Variants in CFAP157 observed in about 807,000 individuals in gnomAD.
CFAP157 encodes cilia and flagella associated protein 157.
Under a neutral mutation model 57.8 loss-of-function variants are expected in CFAP157, and 43 were observed. That is an observed-to-expected ratio of 0.74 (90% CI 0.58 to 0.96). The LOEUF (loss-of-function observed/expected upper bound fraction) is 0.96, where lower values mean the gene tolerates loss of function less well. Ranked by LOEUF, CFAP157 falls within the 40% of genes least tolerant of loss-of-function variation. CFAP157 has a pLI of 0.00. For missense variants in CFAP157, 606 were observed against 655.3 expected, an observed-to-expected ratio of 0.92 and a Z score of 0.82; for synonymous variants, 267 against 269.0, an observed-to-expected ratio of 0.99 and a Z score of 0.07.
Position 127,707,085 on chromosome 9 carries a change from G to T in CFAP157, c.54G>T (p.Lys18Asn). The T allele has an allele frequency of 6.2e-7, 1 of 1,613,944 alleles. No homozygotes were observed. The highest frequency in any genetic ancestry group is 8.5e-7 in the Non-Finnish European group (1 of 1,180,016). Reference protein sequence around the residue: ...SKAGKELEVKKKGGKKEPVVA... With the variant: ...SKAGKELEVKNKGGKKEPVVA... ...CAGGCAAGGAGCTTGAAGTCAAGAA[G>T]AAAGGGGGCAAGAAGGAGCCGGTGG... The change falls in exon 1 of 9, where the codon AAG becomes AAT. Residue 18 changes from lysine to asparagine, a missense_variant. By Grantham distance (94) the Lys-to-Asn change is moderately conservative. Transcript: ENST00000373295.
At position 127,715,697 on chromosome 9, in the gene CFAP157, C is replaced by A; in HGVS notation, c.*1792C>A. 1 of 1,579,460 alleles carries A rather than the reference C, an allele frequency of 6.3e-7. No homozygotes were observed. Among genetic ancestry groups the A allele is most frequent in the East Asian group, 2.3e-5 (1 of 43,066 alleles). On this transcript the variant is annotated 3_prime_UTR_variant, in exon 9 of 9. Coordinates refer to ENST00000373295, the MANE Select transcript of CFAP157 (RefSeq NM_001012502.3). This position sits in a 1 kb window ranked among gnomAD's most constrained non-coding sequence, Gnocchi z 5.8. ...ACGTCATCACCCCGCAGCAGCCAAT[C>A]GTGTTGCCAACTGTTTGGCGTCCAC...
intron 1 of CFAP157, among the ~76,000 whole-genome samples, chr9:127,708,739 A>G (rs1442148677): frequency 2.6e-5 from 4 of 152,244 alleles, no homozygotes; most frequent in African/African-American, 9.6e-5. Flanking sequence ...TTGACCACTC[A>G]GTGGGACAAG....
At chr9:127,713,277 G>A (rs1842811518) in intron 8 of CFAP157, 71 bp downstream of exon 8, 1 of 1,176,476 alleles carries the variant, frequency 8.5e-7, no homozygotes, top group Admixed American at 2.7e-5. Context: ...GGCTCTGCCA[G>A]GCCACAGCTG....
chr9:127,714,939 T>TTGGGGGG lies in CFAP157; in HGVS notation c.*1034_*1035insTGGGGGG. 3 of 407,890 alleles carry TTGGGGGG rather than the reference T, an allele frequency of 7.4e-6. No individual in the cohort carries two copies. Among genetic ancestry groups the TTGGGGGG allele is most frequent in the Non-Finnish European group, 1.4e-5 (3 of 220,902 alleles). The allele number at this position is 407,890 out of a possible 1,614,324, so 25.3% of individuals were successfully genotyped here. The stretch of plus-strand genomic sequence containing the variant: ...CCCCGCGCCCCAACCCCCACCCCCT[T>TTGGGGGG]GGCCCGCCCGCCCACCCCTGGCGCT... On this transcript the variant is annotated 3_prime_UTR_variant, in exon 9 of 9. Transcript: ENST00000373295.
chr9:127,713,085 A>G lies in CFAP157; in HGVS notation c.1370A>G (p.Tyr457Cys), dbSNP rs762756206. The G allele has an allele frequency of 3.7e-6, 6 of 1,613,576 alleles. No homozygotes were observed. The highest frequency in any genetic ancestry group is 5.1e-6 in the Non-Finnish European group (6 of 1,179,804). The change falls in exon 8 of 9, where the codon TAC becomes TGC. Residue 457 changes from tyrosine to cysteine, a missense_variant. By Grantham distance (194) the Tyr-to-Cys change is radical. Transcript: ENST00000373295. ...CCGCAGCTCTCTGACATCACCCCCT[A>G]CCAGCCGGGGGATCTAGGCCTGGTA... ...LLPQLSDITP[Y>C]QPGDLGLVPR...
chr9:127,715,590 A>C lies in CFAP157; in HGVS notation c.*1685A>C, dbSNP rs137863076. The C allele has an allele frequency of 6.2e-7, 1 of 1,613,314 alleles. No individual in the cohort carries two copies. Among genetic ancestry groups the C allele is most frequent in the Non-Finnish European group, 8.5e-7 (1 of 1,179,950 alleles). On this transcript the variant is annotated 3_prime_UTR_variant, in exon 9 of 9. Coordinates refer to ENST00000373295, the MANE Select transcript of CFAP157 (RefSeq NM_001012502.3). The surrounding 1 kb of genome is among the most constrained non-coding windows in gnomAD (Gnocchi z 5.8). ...GCGAGGCTCCAAAACACATCGGCTC[A>C]TGGCTCTACTCAGCCGCTGTCCGGC...
In CFAP157 at chr9:127,709,570, C is replaced by G; in HGVS notation, c.310C>G (p.Gln104Glu). ...GGATGAGATCACAGACCTCAACGAG[C>G]AGCTCCAGAACTTGCAGCTAGCCAA... is the stretch of plus-strand genomic sequence containing the variant. Reference protein sequence around the residue: ...QVDEITDLNEQLQNLQLAKEM... With the variant: ...QVDEITDLNEELQNLQLAKEM... The change falls in exon 2 of 9, where the codon CAG becomes GAG. Residue 104 changes from glutamine (Q) to glutamate (E), a missense_variant. By Grantham distance (29) the Gln-to-Glu change is conservative. Coordinates refer to ENST00000373295, the MANE Select transcript of CFAP157 (RefSeq NM_001012502.3). This position sits in a 1 kb window ranked among gnomAD's most constrained non-coding sequence, Gnocchi z 4.7. 1 of 1,614,122 alleles carries G rather than the reference C, an allele frequency of 6.2e-7. No individual in the cohort carries two copies. The highest frequency in any genetic ancestry group is 1.7e-5 in the Admixed American group (1 of 60,026).
chr9:127,715,355 C>T lies in CFAP157; in HGVS notation c.*1450C>T. ...CCAGAAACCCGACCCCTGAGAACTC[C>T]AGAAGGCTGGGCAGGCAGGGCGCCC... On this transcript the variant is annotated 3_prime_UTR_variant, in exon 9 of 9. Transcript: ENST00000373295. This position sits in a 1 kb window ranked among gnomAD's most constrained non-coding sequence, Gnocchi z 5.8. 2 of 1,239,548 alleles carry T rather than the reference C, an allele frequency of 1.6e-6. No homozygotes were observed. The highest frequency in any genetic ancestry group is 2.5e-5 in the East Asian group (1 of 39,568). The allele number at this position is 1,239,548 out of a possible 1,614,324, so 76.8% of individuals were successfully genotyped here. A position where few individuals can be genotyped will look rare whatever the true frequency, so the allele number is the denominator to read the frequency against.
At position 127,711,246 on chromosome 9, in the gene CFAP157, T is replaced by G. The variant is rs1320065452; in HGVS notation, c.605T>G (p.Ile202Ser). ...LDKDRLRKEIIQRVNLVANEF... is the reference protein window; with the variant it reads ...LDKDRLRKEISQRVNLVANEF... ...CTGGCCAGACTGAGGAAAGAGATCA[T>G]CCAGCGCGTGAACCTCGTGGCCAAT... The change falls in exon 4 of 9, where the codon ATC becomes AGC. Residue 202 changes from isoleucine (I) to serine (S), a missense_variant. Transcript: ENST00000373295. 1 of 1,613,868 alleles carries G rather than the reference T, an allele frequency of 6.2e-7. No individual in the cohort carries two copies. The highest frequency in any genetic ancestry group is 2.2e-5 in the East Asian group (1 of 44,850).
rs779962115 is a variant in CFAP157, at chr9:127,712,747, G to A, written c.1176G>A (p.Thr392=). 8.7e-6 allele frequency: 14 copies of A among 1,614,088 alleles called. No homozygotes were observed. The highest frequency in any genetic ancestry group is 4.5e-5 in the East Asian group (2 of 44,890). The change falls in exon 7 of 9, where the codon ACG becomes ACA. Residue 392 remains threonine (T), a synonymous_variant. Transcript: ENST00000373295. ...RDEEDSDVDV[T]FQPWHKEMLQ... is the part of the protein sequence containing the mutation. The stretch of plus-strand genomic sequence containing the variant: ...AAGAGGACAGTGACGTTGACGTGAC[G>A]TTCCAGCCATGGCACAAGGAGATGC...
rs760133377 is a variant in CFAP157, at chr9:127,715,564, G to T, written c.*1659G>T. 1 of 1,613,546 alleles carries T rather than the reference G, an allele frequency of 6.2e-7. No individual in the cohort carries two copies. On this transcript the variant is annotated 3_prime_UTR_variant, in exon 9 of 9. Coordinates refer to ENST00000373295, the MANE Select transcript of CFAP157 (RefSeq NM_001012502.3). The surrounding 1 kb of genome is among the most constrained non-coding windows in gnomAD (Gnocchi z 5.8). ...CTCACCATCCACCGCTTCCCCGGGG[G>T]GCGAGGCTCCAAAACACATCGGCTC...
At chr9:127,707,577 C>T (rs1468871725) in intron 1 of CFAP157, among the ~76,000 whole-genome samples, 4 of 152,172 alleles carry the variant, frequency 2.6e-5, no homozygotes, top group Non-Finnish European at 5.9e-5. Flanking sequence ...GGCAGTGGCA[C>T]CTGTGCCCCA....
Position 127,714,940 on chromosome 9 carries a change from G to A in CFAP157, c.*1035G>A, listed in dbSNP as rs1001606731. 10 of 282,372 alleles carry A rather than the reference G, an allele frequency of 3.5e-5. No homozygotes were observed. In the African/African-American group the frequency reaches 3.6e-4, roughly 10 times the overall value. The allele number at this position is 282,372 out of a possible 1,614,324, so 17.5% of individuals were successfully genotyped here. A position where few individuals can be genotyped will look rare whatever the true frequency, so the allele number is the denominator to read the frequency against. On this transcript the variant is annotated 3_prime_UTR_variant, in exon 9 of 9. Transcript: ENST00000373295. ...CCCGCGCCCCAACCCCCACCCCCTTGGCCCGCCCGCCCACCCCTGGCGCTC... is the reference window on the plus strand; with the variant it reads ...CCCGCGCCCCAACCCCCACCCCCTTAGCCCGCCCGCCCACCCCTGGCGCTC...
intron 2 of CFAP157, among the ~76,000 whole-genome samples, chr9:127,710,293 A>C (rs549212219): frequency 1.1e-3 from 163 of 151,996 alleles, no homozygotes; most frequent in African/African-American, 3.2e-3. Context: ...AAAAAAAAAA[A>C]AAAAAACAAA....
Position 127,714,786 on chromosome 9 carries a change from A to G in CFAP157, c.*881A>G, listed in dbSNP as rs1842889042. 8.3e-7 allele frequency: 1 copy of G among 1,206,302 alleles called. No homozygotes were observed. Among genetic ancestry groups the G allele is most frequent in the African/African-American group, 1.5e-5 (1 of 66,106 alleles). The allele number at this position is 1,206,302 out of a possible 1,614,324, so 74.7% of individuals were successfully genotyped here. A position where few individuals can be genotyped will look rare whatever the true frequency, so the allele number is the denominator to read the frequency against. On this transcript the variant is annotated 3_prime_UTR_variant, in exon 9 of 9. Transcript: ENST00000373295. Reference sequence around the variant, plus strand: ...CCGACTCCCATGATGAGGGACCACAACTAATCCCACTTCACATATAAAGAA... The same window carrying G: ...CCGACTCCCATGATGAGGGACCACAGCTAATCCCACTTCACATATAAAGAA...
In CFAP157 at chr9:127,709,702, G is replaced by A. The variant is rs758684799; in HGVS notation, c.433+9G>A. On this transcript the variant is annotated intron_variant, in intron 2 of 8. Coordinates refer to ENST00000373295, the MANE Select transcript of CFAP157 (RefSeq NM_001012502.3). The surrounding 1 kb of genome is among the most constrained non-coding windows in gnomAD (Gnocchi z 4.7). ...GGAGAACATCATCCTTGGTGAGGAG[G>A]GGACTGGCTGGTGAGCCTGCAGGCA... 6.2e-7 allele frequency: 1 copy of A among 1,609,650 alleles called. No homozygotes were observed. The highest frequency in any genetic ancestry group is 8.5e-7 in the Non-Finnish European group (1 of 1,177,300).
At chr9:127,708,993 C>A (rs530663167) in intron 1 of CFAP157, among the ~76,000 whole-genome samples, 2 of 152,242 alleles carry the variant, frequency 1.3e-5, no homozygotes, top group Non-Finnish European at 2.9e-5. Flanking sequence ...CAAGTCCTGG[C>A]TGTGCCACTT....
chr9:127,708,569 C>G (rs1842697619), intron 1 of CFAP157, among the ~76,000 whole-genome samples: 1 of 152,190 alleles, frequency 6.6e-6, no homozygotes, highest in Admixed American at 6.5e-5. Flanking sequence ...TTATGTGATA[C>G]TGATTAACAC....
At position 127,715,072 on chromosome 9, in the gene CFAP157, G is replaced by A; in HGVS notation, c.*1167G>A. Reference sequence around the variant, plus strand: ...CCAGCGGGGCCAGGGCGAGGTCGGCGGCACAGTGCCGGTCGCGCGTCCAAC... The same window carrying A: ...CCAGCGGGGCCAGGGCGAGGTCGGCAGCACAGTGCCGGTCGCGCGTCCAAC... On this transcript the variant is annotated 3_prime_UTR_variant, in exon 9 of 9. Transcript: ENST00000373295. The surrounding 1 kb of genome is among the most constrained non-coding windows in gnomAD (Gnocchi z 5.8). The A allele has an allele frequency of 1.3e-6, 2 of 1,528,942 alleles. No homozygotes were observed. Among genetic ancestry groups the A allele is most frequent in the South Asian group, 1.2e-5 (1 of 83,472 alleles). 94.7% of individuals were successfully genotyped at this position (1,528,942 alleles called of 1,614,324 possible).
Sources: allele counts gnomAD v4.1 joint callset (sites outside exome capture counted in the v4.1 genomes callset), GRCh38; gene constraint gnomAD v4.1.1; non-coding constraint Gnocchi (gnomAD v3.1); transcripts MANE v1.5; gene names NCBI Gene and HGNC (gene_info 2026-07-23, HGNC 2026-07-21).